CNTN3: variants seen among roughly 807,000 people sequenced by gnomAD.
CNTN3 encodes the protein contactin 3, also known as contactin-3.
CNTN3 carries 60 observed loss-of-function variants against 119.1 expected under a neutral mutation model. The observed-to-expected ratio is 0.50, with a 90% CI of 0.41 to 0.62. The LOEUF (loss-of-function observed/expected upper bound fraction) is 0.62, where lower values mean the gene tolerates loss of function less well. Among genes scored for constraint, CNTN3 ranks in the 20% least tolerant of loss-of-function variants. CNTN3 has a pLI of 0.00. For missense variants in CNTN3, 1,101 were observed against 1,242.4 expected (o/e 0.89, Z 1.71); for synonymous variants, 450 against 438.7 (o/e 1.03, Z -0.32).
rs569249086 is a variant in CNTN3 at position 74,418,070 on chromosome 3, G to A, written c.454+6775C>T. Among the ~76,000 whole-genome samples, 9 of 152,258 alleles carry A rather than the reference G, an allele frequency of 5.9e-5. No individual in the cohort carries two copies. In the East Asian group the frequency reaches 1.7e-3, roughly 29 times the overall value. ...AGTTTGTGGTGACATAAGTGCTGCT[G>A]TAATGCAACTTTTGCACCTGCTCCT... On this transcript the variant is annotated intron_variant, in intron 5 of 22. Coordinates refer to ENST00000263665, the MANE Select transcript of CNTN3 (RefSeq NM_020872.3).
chr3:74,575,127 G>A (rs1213355554), intron 1 of CNTN3, among the ~76,000 whole-genome samples: 1 of 151,844 alleles, frequency 6.6e-6, no homozygotes, highest in East Asian at 1.9e-4. Flanking sequence ...GTTTCACTAT[G>A]TTGCCCAAGC....
chr3:74,595,924 A>G lies in CNTN3; in HGVS notation c.-81+18467T>C, dbSNP rs540621065. On this transcript the variant is annotated intron_variant, in intron 1 of 22. Transcript: ENST00000263665. ...TGTCCCTGTTTGCAGACGACATGATAGTATATCTAGAAAACCCCATTGTCT... is the reference window on the plus strand; with the variant it reads ...TGTCCCTGTTTGCAGACGACATGATGGTATATCTAGAAAACCCCATTGTCT... Among the ~76,000 whole-genome samples the G allele has an allele frequency of 2.6e-5, 4 of 152,064 alleles. No homozygotes were observed. The South Asian group carries it at 8.3e-4, about 32-fold the overall frequency.
At chr3:74,581,122 AGGT>A (rs1704497906) in intron 1 of CNTN3, among the ~76,000 whole-genome samples, 2 of 152,226 alleles carry the variant, frequency 1.3e-5, no homozygotes, top group African/African-American at 4.8e-5. Context: ...ATTATACTAA[AGGT>A]CCTACAAGGA....
intron 11 of CNTN3, among the ~76,000 whole-genome samples, chr3:74,347,601 A>G (rs771267681): frequency 3.3e-5 from 5 of 152,182 alleles, no homozygotes; most frequent in South Asian, 4.1e-4. Flanking sequence ...ATGGCTAAAA[A>G]AATTTTATCT....
chr3:74,598,669 T>TA (rs1052944275), intron 1 of CNTN3, among the ~76,000 whole-genome samples: 5 of 151,958 alleles, frequency 3.3e-5, no homozygotes, highest in Admixed American at 1.3e-4. Flanking sequence ...ACTAATTCTA[T>TA]AAAAAAATCA....
At chr3:74,302,142 A>T (rs17012356) in intron 14 of CNTN3, among the ~76,000 whole-genome samples, 55,139 of 151,936 alleles carry the variant, frequency 0.36, 11,452 homozygotes, top group East Asian at 0.72. Context: ...TCCTGGTGTG[A>T]TGCCTTTCCC....
chr3:74,546,020 G>C (rs966530634), intron 1 of CNTN3, among the ~76,000 whole-genome samples: 23 of 151,666 alleles, frequency 1.5e-4, no homozygotes, highest in African/African-American at 5.1e-4. Context: ...TTTTGAAATG[G>C]AGTCTCGCTC....
rs377545281 is a variant in CNTN3 at position 74,420,144 on chromosome 3, T to C, written c.454+4701A>G. On this transcript the variant is annotated intron_variant, in intron 5 of 22. Coordinates refer to ENST00000263665, the MANE Select transcript of CNTN3 (RefSeq NM_020872.3). ...GGAGGTGGCAGAAAATGACACAGAA[T>C]GATGGGGAGATAAGAACCCTCTCAG... Among the ~76,000 whole-genome samples the C allele has an allele frequency of 1.9e-4, 29 of 152,272 alleles. No individual in the cohort carries two copies. In the East Asian group the frequency reaches 4.8e-3, roughly 25 times the overall value.
intron 13 of CNTN3, among the ~76,000 whole-genome samples, chr3:74,315,199 G>C (rs1460008447): frequency 1.3e-5 from 2 of 152,204 alleles, no homozygotes; most frequent in Non-Finnish European, 2.9e-5. Flanking sequence ...CTAAAAGGAA[G>C]AGGAACCCTA....
At chr3:74,354,488 T>C (rs1416839260) in intron 11 of CNTN3, among the ~76,000 whole-genome samples, 1 of 152,116 alleles carries the variant, frequency 6.6e-6, no homozygotes, top group East Asian at 1.9e-4. Context: ...GTTAGTTTCC[T>C]TAAAAGAGAC....
At chr3:74,320,449 A>G (rs549946951) in intron 13 of CNTN3, among the ~76,000 whole-genome samples, 3 of 152,210 alleles carry the variant, frequency 2.0e-5, no homozygotes, top group African/African-American at 7.2e-5. Flanking sequence ...GTTCTCACTC[A>G]TAGGTGGGAA....
At chr3:74,279,058 A>T (rs1216768686) in intron 20 of CNTN3, among the ~76,000 whole-genome samples, 1 of 152,172 alleles carries the variant, frequency 6.6e-6, no homozygotes, top group Non-Finnish European at 1.5e-5. Context: ...ACCACAATGC[A>T]ATATCACCTT....
Position 74,364,339 on chromosome 3 carries a change from C to T in CNTN3, c.1213+128G>A, listed in dbSNP as rs554183617. The T allele has an allele frequency of 1.5e-4, 126 of 822,004 alleles. 1 individual carries two copies. The highest frequency in any genetic ancestry group is 8.4e-4 in the South Asian group (39 of 46,236). The allele number at this position is 822,004 out of a possible 1,614,324, so 50.9% of individuals were successfully genotyped here. A position where few individuals can be genotyped will look rare whatever the true frequency, so the allele number is the denominator to read the frequency against. ...ATGCCTTGATTAGAAACTGAATGAT[C>T]GTGTTGTAATACTGTAGATATTATT... is the stretch of plus-strand genomic sequence containing the variant. On this transcript the variant is annotated intron_variant, in intron 10 of 22. Coordinates refer to ENST00000263665, the MANE Select transcript of CNTN3 (RefSeq NM_020872.3).
At chr3:74,318,653 G>C (rs548471243) in intron 13 of CNTN3, among the ~76,000 whole-genome samples, 1 of 152,204 alleles carries the variant, frequency 6.6e-6, no homozygotes, top group African/African-American at 2.4e-5. Flanking sequence ...GCAGAACAGC[G>C]GTGGCTGTAG....
chr3:74,550,143 T>C (rs533310049), intron 1 of CNTN3, among the ~76,000 whole-genome samples: 2 of 152,252 alleles, frequency 1.3e-5, no homozygotes, highest in South Asian at 4.1e-4. Context: ...TAGCTGCACA[T>C]GTGGGTTCAA....
At chr3:74,553,667 T>G (rs1704026747) in intron 1 of CNTN3, among the ~76,000 whole-genome samples, 1 of 152,236 alleles carries the variant, frequency 6.6e-6, no homozygotes, top group African/African-American at 2.4e-5. Context: ...GGTTTTGATT[T>G]GCATTTCTCC....
intron 4 of CNTN3, among the ~76,000 whole-genome samples, chr3:74,475,865 C>T (rs1399346413): frequency 3.9e-5 from 6 of 152,074 alleles, no homozygotes; most frequent in Non-Finnish European, 5.9e-5. Context: ...CATTCCCAGC[C>T]GAAGCTGACC....
At chr3:74,508,585 A>G (rs996739644) in intron 2 of CNTN3, among the ~76,000 whole-genome samples, 2 of 152,204 alleles carry the variant, frequency 1.3e-5, no homozygotes, top group Non-Finnish European at 2.9e-5. Context: ...CTGATAAAGT[A>G]AACATACAAC....
At chr3:74,585,004 A>G (rs1385109959) in intron 1 of CNTN3, among the ~76,000 whole-genome samples, 1 of 152,204 alleles carries the variant, frequency 6.6e-6, no homozygotes. Context: ...AAAGTCCAGA[A>G]AGAAGAAAGA....
Sources: allele counts gnomAD v4.1 joint callset (sites outside exome capture counted in the v4.1 genomes callset), GRCh38; gene constraint gnomAD v4.1.1; transcripts MANE v1.5; gene names NCBI Gene and HGNC (gene_info 2026-07-23, HGNC 2026-07-21).